The following HIVEP1 variants were observed in gnomAD, a reference collection of about 807,000 sequenced individuals.
HIVEP1 encodes the protein HIVEP zinc finger 1.
A neutral mutation model predicts 180.0 loss-of-function variants in HIVEP1; 36 were observed. The ratio of observed to expected loss-of-function variants is 0.20; its 90% CI spans 0.15 to 0.26. The LOEUF is 0.26. HIVEP1 is among the 10% of genes least tolerant of loss of function. HIVEP1 has a pLI of 1.00. For missense variants in HIVEP1, 3,143 were observed against 3,268.7 expected, an observed-to-expected ratio of 0.96 and a Z score of 0.94; for synonymous variants, 1,239 against 1,239.0, an observed-to-expected ratio of 1.00 and a Z score of 0.00.
chr6:12,121,602 C>G lies in HIVEP1; in HGVS notation c.1807C>G (p.Pro603Ala). Residue 603 changes from proline (P) to alanine (A), a missense_variant, in exon 4 of 9, where the codon CCA (proline) becomes GCA (alanine). Physicochemically the swap from Pro to Ala is conservative, Grantham distance 27. This residue lies in a region of HIVEP1 where 365 missense variants were observed against 344.4 expected (regional missense o/e 1.06). Coordinates refer to ENST00000379388, the MANE Select transcript of HIVEP1 (RefSeq NM_002114.4). This position sits in a 1 kb window ranked among gnomAD's most constrained non-coding sequence, Gnocchi z 5.3. ...QKDLQVTNVQPLSANMSQGGV... is the reference protein window; with the variant it reads ...QKDLQVTNVQALSANMSQGGV... ...GGACCTTCAGGTGACAAACGTACAG[C>G]CACTTTCAGCCAACATGTCCCAGGG... The G allele has an allele frequency of 6.2e-7, 1 of 1,614,166 alleles. No homozygotes were observed.
At chr6:12,065,060 A>T (rs145355712) in intron 2 of HIVEP1, among the ~76,000 whole-genome samples, 1 of 152,320 alleles carries the variant, frequency 6.6e-6, no homozygotes, top group East Asian at 1.9e-4. Context: ...CCCAAAAAAG[A>T]CCTAAATCAT....
Position 12,161,768 on chromosome 6 carries a change from T to C in HIVEP1, c.6817T>C (p.Ser2273Pro), listed in dbSNP as rs746817885. 1 of 1,614,166 alleles carries C rather than the reference T, an allele frequency of 6.2e-7. No homozygotes were observed. The highest frequency in any genetic ancestry group is 8.5e-7 in the Non-Finnish European group (1 of 1,180,018). ...GTCTGACTACAATAGGAAGACACTCTCTCCGGGGAAGGCCAGGCAGCGTGC... is the reference window on the plus strand; with the variant it reads ...GTCTGACTACAATAGGAAGACACTCCCTCCGGGGAAGGCCAGGCAGCGTGC... The part of the protein sequence containing the change: ...AQSDYNRKTL[S>P]PGKARQRAAR... The change falls in exon 8 of 9, where the codon TCT becomes CCT. Residue 2273 changes from serine (S) to proline (P), a missense_variant. By Grantham distance (74) the Ser-to-Pro change is moderately conservative. Coordinates refer to ENST00000379388, the MANE Select transcript of HIVEP1 (RefSeq NM_002114.4).
intron 7 of HIVEP1, among the ~76,000 whole-genome samples, chr6:12,147,302 T>G (rs1329782217): frequency 2.0e-5 from 3 of 152,228 alleles, no homozygotes; most frequent in Non-Finnish European, 2.9e-5. Context: ...ACTATTATTT[T>G]TTAGATAGGA....
intron 2 of HIVEP1, among the ~76,000 whole-genome samples, chr6:12,085,750 T>A (rs1284827554): frequency 6.6e-6 from 1 of 152,146 alleles, no homozygotes; most frequent in Non-Finnish European, 1.5e-5. Context: ...CCACACGCAC[T>A]TTAGCATAGA....
intron 3 of HIVEP1, among the ~76,000 whole-genome samples, chr6:12,098,897 C>G (rs1001683784): frequency 3.3e-5 from 5 of 152,138 alleles, no homozygotes; most frequent in African/African-American, 1.2e-4. Context: ...GGAAATTTAT[C>G]AAACTTTGAA....
rs375862222 is a variant in HIVEP1 at position 12,161,904 on chromosome 6, C to A, written c.6953C>A (p.Ala2318Glu). Residue 2318 changes from alanine to glutamate, a missense_variant, in exon 8 of 9, where the codon GCA becomes GAA. Coordinates refer to ENST00000379388, the MANE Select transcript of HIVEP1 (RefSeq NM_002114.4). ...GAAGAAATTCTGAGAAGTTCTATGG[C>A]AGGAAAAGCTGTTGCTATAACACAG... is the stretch of plus-strand genomic sequence containing the variant. ...ESEEILRSSM[A>E]GKAVAITQSP... 1.9e-6 allele frequency: 3 copies of A among 1,611,776 alleles called. No homozygotes were observed. The highest frequency in any genetic ancestry group is 1.7e-6 in the Non-Finnish European group (2 of 1,178,542).
At chr6:12,009,131 G>GCGT (rs1384622860), upstream of HIVEP1, among the ~76,000 whole-genome samples, 1 of 146,822 alleles carries the variant, frequency 6.8e-6, no homozygotes, top group African/African-American at 2.4e-5. Flanking sequence ...GGCGGCGGCG[G>GCGT]CGGCGGCGGC....
At chr6:12,027,187 T>C (rs980263801) in intron 2 of HIVEP1, among the ~76,000 whole-genome samples, 9 of 152,252 alleles carry the variant, frequency 5.9e-5, no homozygotes, top group African/African-American at 2.2e-4. Flanking sequence ...TTAACACATT[T>C]ATTTGTAAAC....
At position 12,123,036 on chromosome 6, in the gene HIVEP1, C is replaced by A. The variant is rs1322021409; in HGVS notation, c.3241C>A (p.Gln1081Lys). ...PKHNVTIRSD[Q>K]QHKNIQLQNS... Reference sequence around the variant, plus strand: ...ACATAATGTTACCATAAGAAGTGACCAGCAGCATAAAAATATACAGTTGCA... The same window carrying A: ...ACATAATGTTACCATAAGAAGTGACAAGCAGCATAAAAATATACAGTTGCA... Residue 1081 changes from glutamine (Q) to lysine (K), a missense_variant, in exon 4 of 9, where the codon CAG becomes AAG. By Grantham distance (53) the Gln-to-Lys change is moderately conservative. Transcript: ENST00000379388. 1 of 1,614,004 alleles carries A rather than the reference C, an allele frequency of 6.2e-7. No homozygotes were observed. Among genetic ancestry groups the A allele is most frequent in the Non-Finnish European group, 8.5e-7 (1 of 1,180,036 alleles).
chr6:12,125,695 A>C lies in HIVEP1; in HGVS notation c.5900A>C (p.Asp1967Ala), dbSNP rs1207702379. 6.2e-7 allele frequency: 1 copy of C among 1,614,178 alleles called. No homozygotes were observed. The highest frequency in any genetic ancestry group is 8.5e-7 in the Non-Finnish European group (1 of 1,180,006). Residue 1967 changes from aspartate to alanine, a missense_variant, in exon 4 of 9, where the codon GAT (aspartate) becomes GCT (alanine). By Grantham distance (126) the Asp-to-Ala change is moderately radical. This residue lies in a region of HIVEP1 where 1,357 missense variants were observed against 1,260.5 expected (regional missense o/e 1.08). Coordinates refer to ENST00000379388, the MANE Select transcript of HIVEP1 (RefSeq NM_002114.4). ...GACCAGAAAACTTCAGCCTATACTGATTGGACAGTAAGCGCCAGTAATCCA... is the reference window on the plus strand; with the variant it reads ...GACCAGAAAACTTCAGCCTATACTGCTTGGACAGTAAGCGCCAGTAATCCA... ...QKDQKTSAYT[D>A]WTVSASNPNP...
chr6:12,021,218 G>A (rs1264041850), intron 2 of HIVEP1, among the ~76,000 whole-genome samples: 1 of 152,148 alleles, frequency 6.6e-6, no homozygotes, highest in African/African-American at 2.4e-5. Flanking sequence ...GTAGCACTGA[G>A]GAATGTGATC....
chr6:12,151,362 C>T (rs1759691138), intron 7 of HIVEP1, among the ~76,000 whole-genome samples: 1 of 152,092 alleles, frequency 6.6e-6, no homozygotes, highest in African/African-American at 2.4e-5. Context: ...TAGGTCTGTT[C>T]TAGAGTCTCT....
At chr6:12,033,051 C>T (rs993934066) in intron 2 of HIVEP1, among the ~76,000 whole-genome samples, 1 of 152,138 alleles carries the variant, frequency 6.6e-6, no homozygotes, top group South Asian at 2.1e-4. Context: ...AATCGTTTGT[C>T]TTATGATTTT....
At chr6:12,185,152 T>C in the HIVEP1 span, among the ~76,000 whole-genome samples, 1 of 152,224 alleles carries the variant, frequency 6.6e-6, no homozygotes, top group Admixed American at 6.5e-5. Context: ...CAAAGGGCTG[T>C]TGTCCATTCA....
At chr6:12,156,600 TG>T (rs1364733130) in intron 7 of HIVEP1, among the ~76,000 whole-genome samples, 1 of 152,174 alleles carries the variant, frequency 6.6e-6, no homozygotes, top group Non-Finnish European at 1.5e-5. Flanking sequence ...TGTCTGTTCT[TG>T]TACCAGTATC....
chr6:12,147,418 T>C (rs1216828735), intron 7 of HIVEP1, among the ~76,000 whole-genome samples: 1 of 152,220 alleles, frequency 6.6e-6, no homozygotes, highest in Non-Finnish European at 1.5e-5. Flanking sequence ...TAGGACCACA[T>C]ATATCTGACT....
chr6:12,071,996 TG>T (rs1201242085), intron 2 of HIVEP1, among the ~76,000 whole-genome samples: 3 of 152,214 alleles, frequency 2.0e-5, no homozygotes, highest in Admixed American at 2.0e-4. Context: ...AATTGGGATT[TG>T]GCAACCTTTT....
chr6:12,013,927 C>T (rs1003983689), intron 1 of HIVEP1, among the ~76,000 whole-genome samples: 1 of 152,172 alleles, frequency 6.6e-6, no homozygotes, highest in South Asian at 2.1e-4. Flanking sequence ...TAATCGTGGC[C>T]TTCTTTACCT....
At chr6:12,157,803 G>A (rs1760150091) in intron 7 of HIVEP1, among the ~76,000 whole-genome samples, 1 of 151,980 alleles carries the variant, frequency 6.6e-6, no homozygotes, top group Non-Finnish European at 1.5e-5. Context: ...TTGTCCACTA[G>A]GTCAAGCAGC....
Sources: allele counts gnomAD v4.1 joint callset (sites outside exome capture counted in the v4.1 genomes callset), GRCh38; gene constraint gnomAD v4.1.1; regional missense constraint gnomAD v4.1.1; non-coding constraint Gnocchi (gnomAD v3.1); transcripts MANE v1.5; gene names NCBI Gene and HGNC (gene_info 2026-07-23, HGNC 2026-07-21).